TIAM1: variants seen among roughly 807,000 people sequenced by gnomAD.
The protein encoded by TIAM1 is rho guanine nucleotide exchange factor TIAM1.
Under a neutral mutation model 163.5 loss-of-function variants are expected in TIAM1, and 65 were observed. That is an observed-to-expected ratio of 0.40 (90% CI 0.33 to 0.49). TIAM1 has a LOEUF of 0.49. TIAM1 is among the 20% of genes least tolerant of loss of function. The pLI, the probability that TIAM1 is intolerant of heterozygous loss-of-function variation, is 0.77. For missense variants in TIAM1, 1,789 were observed against 2,044.7 expected (o/e 0.87, Z 2.41); for synonymous variants, 833 against 810.1 (o/e 1.03, Z -0.48).
intron 2 of TIAM1, among the ~76,000 whole-genome samples, chr21:31,316,933 C>G (rs1370647290): frequency 6.6e-6 from 1 of 152,112 alleles, no homozygotes; most frequent in African/African-American, 2.4e-5. Flanking sequence ...GGTAAGTCTA[C>G]CTAACTCAAA....
chr21:31,193,801 G>T (rs1285307893), intron 13 of TIAM1, among the ~76,000 whole-genome samples: 2 of 152,172 alleles, frequency 1.3e-5, no homozygotes, highest in Non-Finnish European at 2.9e-5. Context: ...CCGGCAGTGT[G>T]AATCGGGAAA....
At chr21:31,230,358 G>A (rs2088339361) in intron 6 of TIAM1, among the ~76,000 whole-genome samples, 2 of 151,196 alleles carry the variant, frequency 1.3e-5, no homozygotes, top group South Asian at 4.2e-4. Flanking sequence ...AAATTAGGAA[G>A]AACACAGTCA....
chr21:31,411,285 G>A (rs2077353513), intron 2 of TIAM1, among the ~76,000 whole-genome samples: 2 of 152,150 alleles, frequency 1.3e-5, no homozygotes, highest in South Asian at 4.1e-4. Flanking sequence ...TAAATACAGG[G>A]GATGTCCTAG....
At chr21:31,156,628 A>C (rs1229757601) in intron 16 of TIAM1, among the ~76,000 whole-genome samples, 1 of 152,252 alleles carries the variant, frequency 6.6e-6, no homozygotes, top group Non-Finnish European at 1.5e-5. Flanking sequence ...CAAAGGAACA[A>C]ATACATCCAT....
chr21:31,437,502 C>CA (rs778245444), intron 2 of TIAM1, among the ~76,000 whole-genome samples: 1,257 of 106,498 alleles, frequency 0.012, 35 homozygotes, highest in African/African-American at 0.033. Flanking sequence ...GACCCTGTCT[C>CA]AAAAAAAAAA....
intron 1 of TIAM1, among the ~76,000 whole-genome samples, chr21:31,487,935 G>A (rs1475346244): frequency 4.6e-5 from 7 of 151,636 alleles, no homozygotes; most frequent in East Asian, 1.9e-4. Context: ...CAAGTGATCC[G>A]TCCGCCTTGG....
Position 31,120,594 on chromosome 21 carries a change from C to A in TIAM1, c.4550G>T (p.Gly1517Val). 1 of 1,614,182 alleles carries A rather than the reference C, an allele frequency of 6.2e-7. No homozygotes were observed. Among genetic ancestry groups the A allele is most frequent in the Non-Finnish European group, 8.5e-7 (1 of 1,180,046 alleles). ...CTGCAGGTCTCTGTCCACTGAGGCA[C>A]CCTTCACGGACTCACAGAACTCATC... ...DDDEFCESVK[G>V]ASVDRDLQER... Residue 1517 changes from glycine to valine, a missense_variant, in exon 28 of 28, where the codon GGT becomes GTT. By Grantham distance (109) the Gly-to-Val change is moderately radical. Around this residue, in one of 5 missense-constraint regions of TIAM1, gnomAD observed 415 missense variants for 439.2 expected, o/e 0.94. Transcript: ENST00000541036. This position sits in a 1 kb window ranked among gnomAD's most constrained non-coding sequence, Gnocchi z 4.2.
intron 1 of TIAM1, among the ~76,000 whole-genome samples, chr21:31,525,623 T>G (rs1046516616): frequency 6.6e-6 from 1 of 152,176 alleles, no homozygotes; most frequent in African/African-American, 2.4e-5. Context: ...AAAGTCACAC[T>G]GCTAGCAGGG....
chr21:31,470,355 CAG>C (rs2045697434), intron 1 of TIAM1, among the ~76,000 whole-genome samples: 1 of 149,288 alleles, frequency 6.7e-6, no homozygotes. Context: ...TTCCTTGAGA[CAG>C]AGTTTCACTC....
intron 4 of TIAM1, among the ~76,000 whole-genome samples, chr21:31,262,876 A>C (rs2072552750): frequency 6.6e-6 from 1 of 152,122 alleles, no homozygotes; most frequent in Admixed American, 6.6e-5. Context: ...AGCCAAGGAG[A>C]CTTTAATATC....
chr21:31,183,144 T>A (rs919345423), intron 14 of TIAM1, among the ~76,000 whole-genome samples: 8 of 152,214 alleles, frequency 5.3e-5, no homozygotes. Flanking sequence ...AGTAAGAATG[T>A]CTCATTCCAA....
rs528315348 is a variant in TIAM1 at position 31,165,127 on chromosome 21, C to G, written c.2888-62G>C. ...TGGACAGTAATTGCTAAAAGCCACC[C>G]CTGTGTGAGGGGGACAAGGAATCTC... On this transcript the variant is annotated intron_variant, in intron 15 of 27. Coordinates refer to ENST00000541036, the MANE Select transcript of TIAM1 (RefSeq NM_001353694.2). 5.9e-4 allele frequency: 880 copies of G among 1,498,590 alleles called. 1 individual carries two copies. The highest frequency in any genetic ancestry group is 1.1e-3 in the Admixed American group (64 of 58,692). 92.8% of individuals were successfully genotyped at this position (1,498,590 alleles called of 1,614,324 possible).
At chr21:31,297,764 T>C (rs2074343130) in intron 2 of TIAM1, among the ~76,000 whole-genome samples, 1 of 152,150 alleles carries the variant, frequency 6.6e-6, no homozygotes, top group African/African-American at 2.4e-5. Flanking sequence ...CGTTAGGGTT[T>C]TGAGACCCCA....
intron 25 of TIAM1, among the ~76,000 whole-genome samples, chr21:31,127,412 C>CTT (rs199978005): frequency 1.1e-4 from 16 of 140,732 alleles, no homozygotes; most frequent in Admixed American, 1.4e-4. Flanking sequence ...ATGGACCGAA[C>CTT]TTTTTTTTTT....
intron 2 of TIAM1, among the ~76,000 whole-genome samples, chr21:31,353,073 TAAAAC>T (rs1424544537): frequency 6.6e-6 from 1 of 151,984 alleles, no homozygotes; most frequent in African/African-American, 2.4e-5. Flanking sequence ...ATTATGAAGA[TAAAAC>T]AAGGCACACC....
intron 1 of TIAM1, among the ~76,000 whole-genome samples, chr21:31,489,007 A>AAG (rs67363631): frequency 7.6e-5 from 1 of 13,190 alleles, no homozygotes; most frequent in Non-Finnish European, 1.7e-4. Flanking sequence ...CTACAATCAG[A>AAG]AAAAAAAAAA....
chr21:31,316,977 T>TA (rs1408689005), intron 2 of TIAM1, among the ~76,000 whole-genome samples: 29 of 152,306 alleles, frequency 1.9e-4, no homozygotes, highest in African/African-American at 6.5e-4. Flanking sequence ...TACGTTGCTG[T>TA]ACCTCTGAGT....
chr21:31,197,669 G>A (rs528134316), intron 12 of TIAM1, among the ~76,000 whole-genome samples: 11 of 151,968 alleles, frequency 7.2e-5, no homozygotes, highest in Admixed American at 2.6e-4. Flanking sequence ...GCGCCCAGCC[G>A]GATATTTCGT....
At chr21:31,199,879 T>C (rs1359005863) in intron 12 of TIAM1, among the ~76,000 whole-genome samples, 1 of 149,752 alleles carries the variant, frequency 6.7e-6, no homozygotes, top group African/African-American at 2.5e-5. Flanking sequence ...ACTCCCTCTC[T>C]TCACTCACTC....
Sources: allele counts gnomAD v4.1 joint callset (sites outside exome capture counted in the v4.1 genomes callset), GRCh38; gene constraint gnomAD v4.1.1; regional missense constraint gnomAD v4.1.1; non-coding constraint Gnocchi (gnomAD v3.1); transcripts MANE v1.5; gene names NCBI Gene and HGNC (gene_info 2026-07-23, HGNC 2026-07-21).